The following BICC1 variants were observed in gnomAD, a reference collection of about 807,000 sequenced individuals.
BICC1 encodes BicC family RNA binding protein 1, also known as protein bicaudal C homolog 1.
Under a neutral mutation model 111.0 loss-of-function variants are expected in BICC1, and 43 were observed. That is an observed-to-expected ratio of 0.39 (90% CI 0.30 to 0.50). The LOEUF is 0.50. BICC1 is among the 20% of genes least tolerant of loss of function. The probability of loss-of-function intolerance (pLI) is 0.88; values close to 1 mark genes in which losing one functional copy is unlikely to be tolerated. For missense variants in BICC1, 1,091 were observed against 1,203.2 expected, an observed-to-expected ratio of 0.91 and a Z score of 1.38; for synonymous variants, 467 against 434.4, an observed-to-expected ratio of 1.07 and a Z score of -0.93.
chr10:58,789,535 T>A (rs1186119694), intron 7 of BICC1, 79 bp downstream of exon 7: 4 of 1,509,660 alleles, frequency 2.6e-6, no homozygotes, highest in Non-Finnish European at 3.6e-6. Context: ...TTAGACTAAT[T>A]TGATTTCCAG....
chr10:58,767,824 T>C (rs1005839011), intron 3 of BICC1, among the ~76,000 whole-genome samples: 3 of 151,526 alleles, frequency 2.0e-5, no homozygotes, highest in Non-Finnish European at 4.4e-5. Flanking sequence ...ATGAATGAAA[T>C]GAAAAATGCA....
chr10:58,619,099 T>C (rs1444088454), intron 1 of BICC1, among the ~76,000 whole-genome samples: 1 of 152,230 alleles, frequency 6.6e-6, no homozygotes, highest in African/African-American at 2.4e-5. Flanking sequence ...ATTGGGCCCA[T>C]CTGGCTAATT....
intron 3 of BICC1, among the ~76,000 whole-genome samples, chr10:58,731,248 A>G (rs997702573): frequency 6.6e-6 from 1 of 152,182 alleles, no homozygotes; most frequent in African/African-American, 2.4e-5. Context: ...TGGAGTTCCC[A>G]AAAAGTTCCT....
rs746988736 is a variant in BICC1, at chr10:58,513,167, C to G, written c.24C>G (p.Gly8=). 1 of 1,561,694 alleles carries G rather than the reference C, an allele frequency of 6.4e-7. No homozygotes were observed. The highest frequency in any genetic ancestry group is 8.6e-7 in the Non-Finnish European group (1 of 1,156,538). Residue 8 remains glycine, a synonymous_variant, in exon 1 of 21, where the codon GGC becomes GGG. Coordinates refer to ENST00000373886, the MANE Select transcript of BICC1 (RefSeq NM_001080512.3). Reference sequence around the variant, plus strand: ...CCATGGCCGCCCAGGGAGAGCCCGGCTACCTGGCGGCGCAGTCGGACCCCG... The same window carrying G: ...CCATGGCCGCCCAGGGAGAGCCCGGGTACCTGGCGGCGCAGTCGGACCCCG... The part of the protein sequence containing the change: MAAQGEP[G]YLAAQSDPGS...
chr10:58,540,727 T>G (rs1842945552), intron 1 of BICC1, among the ~76,000 whole-genome samples: 1 of 151,960 alleles, frequency 6.6e-6, no homozygotes, highest in African/African-American at 2.4e-5. Context: ...CAGAAAACTG[T>G]AGAGGAGGAA....
At chr10:58,655,950 G>A (rs1041310056) in intron 2 of BICC1, among the ~76,000 whole-genome samples, 4 of 152,098 alleles carry the variant, frequency 2.6e-5, no homozygotes, top group South Asian at 4.2e-4. Context: ...TAGACCGCTA[G>A]CAAGACTAAT....
intron 3 of BICC1, among the ~76,000 whole-genome samples, chr10:58,718,783 C>T (rs113398212): frequency 0.017 from 2,162 of 127,796 alleles, 56 homozygotes; most frequent in African/African-American, 0.065. Flanking sequence ...CGCGTGCGCG[C>T]GTGCGCACGC....
chr10:58,753,089 T>C (rs1170402053), intron 3 of BICC1, among the ~76,000 whole-genome samples: 2 of 152,216 alleles, frequency 1.3e-5, no homozygotes, highest in Non-Finnish European at 2.9e-5. Flanking sequence ...ACACTGCCTC[T>C]GCTGGGCTCC....
At chr10:58,549,519 T>C in intron 1 of BICC1, among the ~76,000 whole-genome samples, 1 of 152,116 alleles carries the variant, frequency 6.6e-6, no homozygotes, top group African/African-American at 2.4e-5. Flanking sequence ...ATCTCATCAT[T>C]TTAATTTGTA....
At chr10:58,578,630 C>CA (rs1444017039) in intron 1 of BICC1, among the ~76,000 whole-genome samples, 7 of 152,184 alleles carry the variant, frequency 4.6e-5, no homozygotes, top group Non-Finnish European at 8.8e-5. Flanking sequence ...GCAACTCCTG[C>CA]AGATATCACT....
intron 18 of BICC1, chr10:58,814,372 A>G (rs922240093): frequency 2.0e-6 from 1 of 510,144 alleles, no homozygotes. Flanking sequence ...CCAAACGCCT[A>G]GTGAACTGTC....
chr10:58,798,993 A>G (rs1843448619), intron 11 of BICC1, 63 bp from the exon 12 acceptor site: 3 of 1,240,816 alleles, frequency 2.4e-6, no homozygotes, highest in Non-Finnish European at 3.3e-6. Flanking sequence ...TTTATTGTTA[A>G]TAAAAATAAT....
chr10:58,515,500 A>T (rs979122750), intron 1 of BICC1, among the ~76,000 whole-genome samples: 2 of 152,234 alleles, frequency 1.3e-5, no homozygotes, highest in Non-Finnish European at 2.9e-5. Flanking sequence ...GTATTTGTGT[A>T]TCTAAATATA....
At chr10:58,686,574 C>T (rs1839733709) in intron 2 of BICC1, among the ~76,000 whole-genome samples, 1 of 152,028 alleles carries the variant, frequency 6.6e-6, no homozygotes, top group African/African-American at 2.4e-5. Flanking sequence ...TGTCTTTTTA[C>T]TCTTTTTTTC....
rs781741180 is a variant in BICC1, at chr10:58,817,668, G to A, written c.2640G>A (p.Glu880=). The A allele has an allele frequency of 6.2e-7, 1 of 1,613,484 alleles. No individual in the cohort carries two copies. The highest frequency in any genetic ancestry group is 2.2e-5 in the East Asian group (1 of 44,828). The stretch of plus-strand genomic sequence containing the variant: ...CTTTCAAAGGTTCTGACCTCCCTGA[G>A]CTCTTCAGCAAACTGGGCCTGGGCA... ...NSSFKGSDLP[E]LFSKLGLGKY... The change falls in exon 19 of 21, where the codon GAG becomes GAA. Residue 880 remains glutamate (E), a synonymous_variant. Coordinates refer to ENST00000373886, the MANE Select transcript of BICC1 (RefSeq NM_001080512.3).
At chr10:58,621,908 A>AC (rs1845822180) in intron 2 of BICC1, among the ~76,000 whole-genome samples, 1 of 92,342 alleles carries the variant, frequency 1.1e-5, no homozygotes, top group African/African-American at 5.1e-5. Flanking sequence ...TAAAATTAGA[A>AC]TAGAATAGAA....
chr10:58,624,316 C>T (rs556553087), intron 2 of BICC1, among the ~76,000 whole-genome samples: 1 of 152,298 alleles, frequency 6.6e-6, no homozygotes, highest in African/African-American at 2.4e-5. Context: ...ATTCTGAGGT[C>T]CCAGGCATTA....
At chr10:58,696,589 C>T (rs1840071807) in intron 2 of BICC1, among the ~76,000 whole-genome samples, 1 of 152,140 alleles carries the variant, frequency 6.6e-6, no homozygotes, top group Admixed American at 6.5e-5. Context: ...TCCTCCAAAA[C>T]CTCTTCTTTT....
intron 2 of BICC1, among the ~76,000 whole-genome samples, chr10:58,641,186 T>C (rs929053596): frequency 2.6e-5 from 4 of 152,216 alleles, no homozygotes; most frequent in Admixed American, 6.5e-5. Context: ...TTTCTTTTTA[T>C]AGAGCAACCA....
Sources: allele counts gnomAD v4.1 joint callset (sites outside exome capture counted in the v4.1 genomes callset), GRCh38; gene constraint gnomAD v4.1.1; transcripts MANE v1.5; gene names NCBI Gene and HGNC (gene_info 2026-07-23, HGNC 2026-07-21).